The following SEZ6L variants were observed in gnomAD, a reference collection of about 807,000 sequenced individuals.
SEZ6L encodes the protein seizure related 6 homolog like, also known as seizure 6-like protein.
SEZ6L carries 37 observed loss-of-function variants against 106.2 expected under a neutral mutation model. That is an observed-to-expected ratio of 0.35 (90% CI 0.27 to 0.46). The LOEUF (loss-of-function observed/expected upper bound fraction) is 0.46, where lower values mean the gene tolerates loss of function less well. Ranked by LOEUF, SEZ6L falls within the 20% of genes least tolerant of loss-of-function variation. The pLI, the probability that SEZ6L is intolerant of heterozygous loss-of-function variation, is 1.00. For missense variants in SEZ6L, 1,172 were observed against 1,332.8 expected (o/e 0.88, Z 1.88); for synonymous variants, 541 against 570.4 (o/e 0.95, Z 0.73).
intron 1 of SEZ6L, among the ~76,000 whole-genome samples, chr22:26,233,485 C>A (rs1168043248): frequency 2.6e-5 from 4 of 152,188 alleles, no homozygotes; most frequent in African/African-American, 9.7e-5. Context: ...CCCCATGCCT[C>A]CTGGCACCAT....
chr22:26,202,799 A>G lies in SEZ6L; in HGVS notation c.94+33036A>G, dbSNP rs544301841. ...CCCTGGATGATTTAGAGTATTCTCC[A>G]CTAACTGTAGTATCGAGCTTGCATA... On this transcript the variant is annotated intron_variant, in intron 1 of 16. Coordinates refer to ENST00000248933, the MANE Select transcript of SEZ6L (RefSeq NM_021115.5). Among the ~76,000 whole-genome samples, 87 of 152,352 alleles carry G rather than the reference A, an allele frequency of 5.7e-4. No individual in the cohort carries two copies. The Middle Eastern group carries it at 0.01, about 18-fold the overall frequency.
At chr22:26,289,827 T>G (rs1360021613) in intron 1 of SEZ6L, among the ~76,000 whole-genome samples, 1 of 152,116 alleles carries the variant, frequency 6.6e-6, no homozygotes, top group Non-Finnish European at 1.5e-5. Flanking sequence ...GCTGAGTGAG[T>G]GTCTCCCTGC....
chr22:26,271,626 C>T (rs1298040916), intron 1 of SEZ6L, among the ~76,000 whole-genome samples: 1 of 152,098 alleles, frequency 6.6e-6, no homozygotes, highest in African/African-American at 2.4e-5. Context: ...TATCTGGGAC[C>T]TCCCCCTTCT....
intron 9 of SEZ6L, among the ~76,000 whole-genome samples, chr22:26,335,447 C>A (rs1176350060): frequency 6.6e-6 from 1 of 152,158 alleles, no homozygotes; most frequent in East Asian, 1.9e-4. Flanking sequence ...TTGCAAAGGG[C>A]ATGGGAGGTA....
chr22:26,313,850 A>G lies in SEZ6L; in HGVS notation c.1963A>G (p.Ile655Val), dbSNP rs1371320486. Reference sequence around the variant, plus strand: ...GCCCTACGTGGAAGGTGAAGATTGTATCTGGAAGATCCACGTGGGAGAAGA... The same window carrying G: ...GCCCTACGTGGAAGGTGAAGATTGTGTCTGGAAGATCCACGTGGGAGAAGA... ...PEPYVEGEDC[I>V]WKIHVGEEKR... is the part of the protein sequence containing the mutation. Residue 655 changes from isoleucine (I) to valine (V), a missense_variant, in exon 9 of 17, where the codon ATC becomes GTC. Physicochemically the swap from Ile to Val is conservative, Grantham distance 29. Coordinates refer to ENST00000248933, the MANE Select transcript of SEZ6L (RefSeq NM_021115.5). 4 of 1,612,624 alleles carry G rather than the reference A, an allele frequency of 2.5e-6. No individual in the cohort carries two copies. The highest frequency in any genetic ancestry group is 3.3e-4 in the Middle Eastern group (2 of 6,080).
At chr22:26,219,235 A>G (rs1415506989) in intron 1 of SEZ6L, among the ~76,000 whole-genome samples, 1 of 141,984 alleles carries the variant, frequency 7.0e-6, no homozygotes, top group African/African-American at 2.5e-5. Context: ...TGGTCATAGA[A>G]GATGTTCGAG....
intron 12 of SEZ6L, among the ~76,000 whole-genome samples, chr22:26,363,074 T>C (rs4820676): frequency 0.7 from 106,265 of 152,218 alleles, 37,512 homozygotes; most frequent in East Asian, 0.96. Flanking sequence ...GTAAAGAATA[T>C]TCCTGGTCTA....
intron 1 of SEZ6L, among the ~76,000 whole-genome samples, chr22:26,183,502 C>A (rs961091577): frequency 2.6e-5 from 4 of 152,138 alleles, no homozygotes; most frequent in African/African-American, 9.7e-5. Flanking sequence ...TGAAACAAAG[C>A]AAGCTCGTTT....
In SEZ6L at chr22:26,292,831, G is replaced by A. The variant is rs149306304; in HGVS notation, c.520G>A (p.Val174Met). 21 of 1,614,028 alleles carry A rather than the reference G, an allele frequency of 1.3e-5. No individual in the cohort carries two copies. In the East Asian group the frequency reaches 2.2e-4, roughly 17 times the overall value. ...CCCACCGGGGGACCCGGACCCCATC[G>A]TGGCCTCCGAGGAGGCATCAGAAGT... The part of the protein sequence containing the change: ...PGPPGDPDPI[V>M]ASEEASEVPL... Residue 174 changes from valine to methionine, a missense_variant, in exon 2 of 17, where the codon GTG (valine) becomes ATG (methionine). Val to Met is a conservative substitution (Grantham distance 21). Transcript: ENST00000248933.
intron 1 of SEZ6L, among the ~76,000 whole-genome samples, chr22:26,224,054 A>G (rs2078565341): frequency 6.6e-6 from 1 of 152,200 alleles, no homozygotes; most frequent in South Asian, 2.1e-4. Flanking sequence ...ATCGTCATTG[A>G]ATAAAATGTC....
chr22:26,355,383 G>A (rs1283938949), intron 12 of SEZ6L, among the ~76,000 whole-genome samples: 1 of 152,206 alleles, frequency 6.6e-6, no homozygotes, highest in Non-Finnish European at 1.5e-5. Context: ...TGGTGCTTAA[G>A]AGTGGACAAA....
At chr22:26,240,640 C>T (rs955681184) in intron 1 of SEZ6L, among the ~76,000 whole-genome samples, 2 of 152,154 alleles carry the variant, frequency 1.3e-5, no homozygotes, top group Admixed American at 1.3e-4. Context: ...ACTCAGCCTT[C>T]CACATGCATC....
At chr22:26,343,472 TTACAGTTGGCAAGCACTTTAACA>T (rs1190828286) in intron 10 of SEZ6L, among the ~76,000 whole-genome samples, 24 of 152,236 alleles carry the variant, frequency 1.6e-4, no homozygotes, top group African/African-American at 5.8e-4. Flanking sequence ...GTGTGACAAC[TTACAGTTGGCAAGCACTTTAACA>T]TATATTATTT....
intron 1 of SEZ6L, among the ~76,000 whole-genome samples, chr22:26,235,549 G>A (rs558468637): frequency 6.6e-5 from 10 of 152,160 alleles, no homozygotes; most frequent in South Asian, 2.1e-4. Flanking sequence ...GAGCATGTAG[G>A]GTGAGGGCAT....
chr22:26,178,854 G>A (rs1395023002), intron 1 of SEZ6L, among the ~76,000 whole-genome samples: 1 of 152,180 alleles, frequency 6.6e-6, no homozygotes, highest in Non-Finnish European at 1.5e-5. Flanking sequence ...ATGAGTTGCT[G>A]TTGTTACTGA....
intron 1 of SEZ6L, among the ~76,000 whole-genome samples, chr22:26,258,984 A>G (rs1047052961): frequency 2.6e-5 from 4 of 152,212 alleles, no homozygotes; most frequent in African/African-American, 9.6e-5. Flanking sequence ...GACAGCTGTA[A>G]TCATCTAAGG....
At chr22:26,321,470 G>A (rs1410150539) in intron 9 of SEZ6L, among the ~76,000 whole-genome samples, 1 of 152,164 alleles carries the variant, frequency 6.6e-6, no homozygotes, top group East Asian at 1.9e-4. Context: ...AGAGATTAAA[G>A]CTTTGCAGAA....
At chr22:26,337,011 A>G (rs1390610255) in intron 9 of SEZ6L, among the ~76,000 whole-genome samples, 1 of 152,176 alleles carries the variant, frequency 6.6e-6, no homozygotes, top group Non-Finnish European at 1.5e-5. Context: ...ACAACATAAC[A>G]TTCAAATGAC....
At chr22:26,222,932 T>C (rs896765935) in intron 1 of SEZ6L, among the ~76,000 whole-genome samples, 2 of 151,516 alleles carry the variant, frequency 1.3e-5, no homozygotes, top group East Asian at 3.9e-4. Context: ...GCATCTACTG[T>C]GTAGAGTCCA....
Sources: allele counts gnomAD v4.1 joint callset (sites outside exome capture counted in the v4.1 genomes callset), GRCh38; gene constraint gnomAD v4.1.1; transcripts MANE v1.5; gene names NCBI Gene and HGNC (gene_info 2026-07-23, HGNC 2026-07-21).